Variants in NAALADL2 observed in about 807,000 individuals in gnomAD.
The protein encoded by NAALADL2 is inactive N-acetylated-alpha-linked acidic dipeptidase-like protein 2.
Under a neutral mutation model 87.2 loss-of-function variants are expected in NAALADL2, and 76 were observed. The ratio of observed to expected loss-of-function variants is 0.87; its 90% CI spans 0.72 to 1.05. The LOEUF is 1.05. Among genes scored for constraint, NAALADL2 ranks in the 50% least tolerant of loss-of-function variants. NAALADL2 has a pLI of 0.00. For missense variants in NAALADL2, 1,089 were observed against 945.8 expected, an observed-to-expected ratio of 1.15 and a Z score of -1.99; for synonymous variants, 354 against 331.0, an observed-to-expected ratio of 1.07 and a Z score of -0.75.
chr3:175,132,970 G>GGGT (rs1728392985), intron 2 of NAALADL2, among the ~76,000 whole-genome samples: 1 of 151,586 alleles, frequency 6.6e-6, no homozygotes, highest in African/African-American at 2.4e-5. Flanking sequence ...TTCTCAGACG[G>GGGT]GGCGGCCGGG....
At chr3:174,526,610 A>G (rs1720771365) in intron 1 of NAALADL2, among the ~76,000 whole-genome samples, 1 of 152,148 alleles carries the variant, frequency 6.6e-6, no homozygotes, top group South Asian at 2.1e-4. Context: ...GTATTAGTAC[A>G]TTAATTTAAA....
intron 1 of NAALADL2, among the ~76,000 whole-genome samples, chr3:174,971,898 A>T (rs946399788): frequency 6.6e-6 from 1 of 152,092 alleles, no homozygotes; most frequent in African/African-American, 2.4e-5. Context: ...GATTTTCACC[A>T]TATTGGTCAG....
chr3:174,684,914 G>A (rs1451634273), intron 2 of NAALADL2, among the ~76,000 whole-genome samples: 2 of 151,992 alleles, frequency 1.3e-5, no homozygotes, highest in Non-Finnish European at 2.9e-5. Flanking sequence ...TTGTCACCCG[G>A]CCACTGTGAT....
intron 11 of NAALADL2, 36 bp from the exon 12 acceptor site, chr3:175,737,270 G>A: frequency 2.5e-6 from 3 of 1,203,236 alleles, no homozygotes; most frequent in African/African-American, 1.5e-5. Flanking sequence ...CCTAATTACT[G>A]AATGCTAGTA....
At chr3:175,534,036 TTATA>T (rs1313820471) in intron 9 of NAALADL2, among the ~76,000 whole-genome samples, 5 of 149,892 alleles carry the variant, frequency 3.3e-5, no homozygotes, top group Non-Finnish European at 7.4e-5. Flanking sequence ...TATTTATTTA[TTATA>T]AATAAATTAT....
intron 9 of NAALADL2, among the ~76,000 whole-genome samples, chr3:175,472,801 CTAAATTA>C (rs1725093521): frequency 6.6e-6 from 1 of 152,112 alleles, no homozygotes; most frequent in African/African-American, 2.4e-5. Context: ...GTGTGCATGC[CTAAATTA>C]TATCCATATC....
chr3:175,674,320 C>G (rs949434538), intron 11 of NAALADL2, among the ~76,000 whole-genome samples: 12 of 150,002 alleles, frequency 8.0e-5, no homozygotes, highest in African/African-American at 2.7e-4. Flanking sequence ...AGTGCAGTGG[C>G]GCGATCTCGG....
At chr3:174,862,045 G>A (rs1726572104) in intron 1 of NAALADL2, among the ~76,000 whole-genome samples, 3 of 151,968 alleles carry the variant, frequency 2.0e-5, no homozygotes, top group Admixed American at 2.0e-4. Context: ...ATTGTGTAAA[G>A]CTATCATACA....
intron 1 of NAALADL2, among the ~76,000 whole-genome samples, chr3:175,061,728 A>AATATATATATATATATATATAT (rs149495848): frequency 6.4e-4 from 90 of 141,542 alleles, no homozygotes; most frequent in South Asian, 9.3e-4. Context: ...CACTTGCACA[A>AATATATATATATATATATATAT]ATATATATAT....
chr3:174,643,887 G>A (rs1378991233), intron 2 of NAALADL2, among the ~76,000 whole-genome samples: 2 of 152,090 alleles, frequency 1.3e-5, no homozygotes, highest in Admixed American at 6.5e-5. Context: ...AAAATACATG[G>A]AAGGAAGACA....
chr3:174,996,978 A>G (rs1579932682), intron 1 of NAALADL2, among the ~76,000 whole-genome samples: 1 of 139,048 alleles, frequency 7.2e-6, no homozygotes, highest in Non-Finnish European at 1.6e-5. Context: ...TTTATGGCTG[A>G]GTAGTATTCC....
chr3:174,609,526 A>T (rs899936136), intron 2 of NAALADL2, among the ~76,000 whole-genome samples: 5 of 152,170 alleles, frequency 3.3e-5, no homozygotes, highest in Non-Finnish European at 5.9e-5. Context: ...AATAACAGAC[A>T]AACAGAGAGC....
At chr3:175,510,549 A>T (rs1284827595) in intron 9 of NAALADL2, among the ~76,000 whole-genome samples, 1 of 152,182 alleles carries the variant, frequency 6.6e-6, no homozygotes, top group African/African-American at 2.4e-5. Flanking sequence ...GAAATGTTTT[A>T]AAAAAATAAC....
intron 2 of NAALADL2, among the ~76,000 whole-genome samples, chr3:175,167,260 T>C (rs545926518): frequency 6.6e-6 from 1 of 152,214 alleles, no homozygotes; most frequent in African/African-American, 2.4e-5. Context: ...AATAACACTT[T>C]ATTTACAAAA....
intron 2 of NAALADL2, among the ~76,000 whole-genome samples, chr3:175,203,147 C>T (rs1009169054): frequency 6.6e-6 from 1 of 152,132 alleles, no homozygotes; most frequent in Non-Finnish European, 1.5e-5. Context: ...GGTCAGGAGG[C>T]TTCTTGACCC....
At chr3:175,078,581 A>C (rs1162182159) in intron 1 of NAALADL2, among the ~76,000 whole-genome samples, 1 of 151,928 alleles carries the variant, frequency 6.6e-6, no homozygotes, top group Non-Finnish European at 1.5e-5. Flanking sequence ...TTACACTGTC[A>C]CTCCCCAATT....
intron 2 of NAALADL2, among the ~76,000 whole-genome samples, chr3:175,193,390 A>G (rs2109073801): frequency 6.6e-6 from 1 of 152,004 alleles, no homozygotes; most frequent in South Asian, 2.1e-4. Context: ...ACGGGCCCTT[A>G]TGCATGTGTA....
intron 2 of NAALADL2, among the ~76,000 whole-genome samples, chr3:174,585,065 G>A (rs564021819): frequency 6.6e-6 from 1 of 152,010 alleles, no homozygotes; most frequent in South Asian, 2.1e-4. Context: ...GTATATATAA[G>A]AATAACACAT....
At chr3:174,746,060 G>A (rs1401600109) in intron 3 of NAALADL2, among the ~76,000 whole-genome samples, 1 of 152,146 alleles carries the variant, frequency 6.6e-6, no homozygotes, top group Non-Finnish European at 1.5e-5. Context: ...ATTCAACACA[G>A]TATTGGAAGT....
Sources: gnomAD v4.1 joint callset for allele counts (sites outside exome capture counted in the v4.1 genomes callset) on GRCh38, gnomAD v4.1.1 for gene constraint, MANE v1.5 for transcripts, NCBI Gene and HGNC (gene_info 2026-07-23, HGNC 2026-07-21) for gene names.